TBC1D16: variants seen among roughly 807,000 people sequenced by gnomAD.
TBC1D16 encodes the protein TBC1 domain family member 16.
Under a neutral mutation model 74.7 loss-of-function variants are expected in TBC1D16, and 58 were observed. That is an observed-to-expected ratio of 0.78 (90% CI 0.63 to 0.97). The LOEUF (loss-of-function observed/expected upper bound fraction) is 0.97, where lower values mean the gene tolerates loss of function less well. Ranked by LOEUF, TBC1D16 falls within the 50% of genes least tolerant of loss-of-function variation. The pLI is 0.00. For missense variants in TBC1D16, 1,014 were observed against 1,079.5 expected (o/e 0.94, Z 0.85); for synonymous variants, 493 against 474.7 (o/e 1.04, Z -0.50).
chr17:80,030,375 G>A (rs750934161), intron 1 of TBC1D16, among the ~76,000 whole-genome samples: 6 of 152,106 alleles, frequency 3.9e-5, no homozygotes, highest in Admixed American at 3.9e-4. Flanking sequence ...GGGCCCCGAC[G>A]TCCCTGTGAG....
Position 80,001,504 on chromosome 17 carries a change from G to A in TBC1D16, c.779+8656C>T, listed in dbSNP as rs1419138735. Among the ~76,000 whole-genome samples, 1 of 152,168 alleles carries A rather than the reference G, an allele frequency of 6.6e-6. No individual in the cohort carries two copies. Among genetic ancestry groups the A allele is most frequent in the Admixed American group, 6.5e-5 (1 of 15,286 alleles). ...GCGCTGGGCCCGGAGGGGTGGGCGG[G>A]GGTTCCTGGAGCATCCTCAGGGGGC... On this transcript the variant is annotated intron_variant, in intron 3 of 11. Transcript: ENST00000310924. This position sits in a 1 kb window ranked among gnomAD's most constrained non-coding sequence, Gnocchi z 5.8.
intron 1 of TBC1D16, among the ~76,000 whole-genome samples, chr17:80,023,145 C>G (rs532742474): frequency 6.7e-6 from 1 of 149,932 alleles, no homozygotes; most frequent in East Asian, 1.9e-4. Context: ...CAAGATTTAC[C>G]GCGAAATGGG....
At position 79,951,464 on chromosome 17, in the gene TBC1D16, G is replaced by C; in HGVS notation, c.1075C>G (p.Gln359Glu). The C allele has an allele frequency of 1.2e-6, 2 of 1,613,660 alleles. No homozygotes were observed. The highest frequency in any genetic ancestry group is 1.7e-6 in the Non-Finnish European group (2 of 1,179,820). The change falls in exon 5 of 12, where the codon CAG becomes GAG. Residue 359 changes from glutamine to glutamate, a missense_variant. Gln to Glu is a conservative substitution (Grantham distance 29). Coordinates refer to ENST00000310924, the MANE Select transcript of TBC1D16 (RefSeq NM_019020.4). ...TGCTGGGCTACCTGGTCTTTGAGCT[G>C]CATCTCGGTGCAGTATTTCCACTGC... The part of the protein sequence containing the change: ...FQQWKYCTEM[Q>E]LKDQQVAPDK...
intron 3 of TBC1D16, among the ~76,000 whole-genome samples, chr17:79,977,719 T>TCA (rs1195092641): frequency 1.3e-5 from 2 of 152,202 alleles, no homozygotes; most frequent in Non-Finnish European, 2.9e-5. Context: ...ATAATTAGCA[T>TCA]CACACACACA....
rs1368278802 is a variant in TBC1D16, at chr17:80,025,103, T to C, written c.-63+10692A>G. ...CATACCATGACACACACACACCATATACACACAAACACCACAGACACACAC... is the reference window on the plus strand; with the variant it reads ...CATACCATGACACACACACACCATACACACACAAACACCACAGACACACAC... On this transcript the variant is annotated intron_variant, in intron 1 of 11. Transcript: ENST00000310924. Among the ~76,000 whole-genome samples the C allele has an allele frequency of 5.6e-4, 45 of 79,826 alleles. 10 individuals are homozygous for C. The highest frequency in any genetic ancestry group is 1.6e-3 in the African/African-American group (25 of 15,290). 52.4% of individuals were successfully genotyped at this position (79,826 alleles called of 152,430 possible). A position where few individuals can be genotyped will look rare whatever the true frequency, so the allele number is the denominator to read the frequency against.
At chr17:79,948,484 T>C (rs991502539) in intron 8 of TBC1D16, among the ~76,000 whole-genome samples, 1 of 152,154 alleles carries the variant, frequency 6.6e-6, no homozygotes, top group Admixed American at 6.5e-5. Context: ...TGCAATTATT[T>C]GCTAGGCTGT....
rs555671848 is a variant in TBC1D16, at chr17:79,986,430, C to T, written c.779+23730G>A. ...AAGAGTGGATTCCTCAGTGCAGTAT[C>T]GTCAGCGTTGCAGTGGTGGGTAAGA... On this transcript the variant is annotated intron_variant, in intron 3 of 11. Coordinates refer to ENST00000310924, the MANE Select transcript of TBC1D16 (RefSeq NM_019020.4). The surrounding 1 kb of genome is among the most constrained non-coding windows in gnomAD (Gnocchi z 6.0). Among the ~76,000 whole-genome samples the T allele has an allele frequency of 1.2e-4, 19 of 152,318 alleles. No individual in the cohort carries two copies. The highest frequency in any genetic ancestry group is 2.5e-4 in the Non-Finnish European group (17 of 68,030).
At chr17:79,967,304 A>T (rs542730875) in intron 3 of TBC1D16, among the ~76,000 whole-genome samples, 7 of 152,300 alleles carry the variant, frequency 4.6e-5, no homozygotes, top group Admixed American at 4.6e-4. Context: ...AAAAGGAAGA[A>T]GATTGGAAAA....
intron 3 of TBC1D16, among the ~76,000 whole-genome samples, chr17:80,003,199 C>T (rs2035555593): frequency 1.3e-5 from 2 of 152,226 alleles, no homozygotes; most frequent in Middle Eastern, 3.2e-3. Context: ...CCTGTGGCCG[C>T]GCCAACCCGC....
Position 79,975,834 on chromosome 17 carries a change from C to G in TBC1D16, c.780-23016G>C, listed in dbSNP as rs376913363. ...GAGCATGAGCCCCACTTTGGAATGA[C>G]GGGGTCTGTGCAGAGACCGGGCAGA... On this transcript the variant is annotated intron_variant, in intron 3 of 11. Coordinates refer to ENST00000310924, the MANE Select transcript of TBC1D16 (RefSeq NM_019020.4). This position sits in a 1 kb window ranked among gnomAD's most constrained non-coding sequence, Gnocchi z 4.5. Among the ~76,000 whole-genome samples the G allele has an allele frequency of 5.0e-4, 76 of 152,286 alleles. No homozygotes were observed. The highest frequency in any genetic ancestry group is 1.8e-3 in the African/African-American group (74 of 41,558).
At chr17:79,951,051 G>A (rs1027062691) in intron 5 of TBC1D16, among the ~76,000 whole-genome samples, 1 of 152,120 alleles carries the variant, frequency 6.6e-6, no homozygotes, top group Non-Finnish European at 1.5e-5. Context: ...AATGTAGGGG[G>A]AAAAAAAGCC....
In TBC1D16 at chr17:79,985,244, C is replaced by T. The variant is rs755151367; in HGVS notation, c.779+24916G>A. Among the ~76,000 whole-genome samples, 51 of 152,108 alleles carry T rather than the reference C, an allele frequency of 3.4e-4. No individual in the cohort carries two copies. Among genetic ancestry groups the T allele is most frequent in the Non-Finnish European group, 5.3e-4 (36 of 68,016 alleles). ...CCTGTGTCTGTGTGTCCGTCCGTGT[C>T]TTTTAAAGACATCCGTTGGATTTAG... is the stretch of plus-strand genomic sequence containing the variant. On this transcript the variant is annotated intron_variant, in intron 3 of 11. Transcript: ENST00000310924. The surrounding 1 kb of genome is among the most constrained non-coding windows in gnomAD (Gnocchi z 4.9).
chr17:79,969,301 G>A (rs1046042670), intron 3 of TBC1D16, among the ~76,000 whole-genome samples: 4 of 152,078 alleles, frequency 2.6e-5, no homozygotes, highest in Non-Finnish European at 4.4e-5. Context: ...CAGGAGAATC[G>A]CTTGAACCTA....
intron 3 of TBC1D16, among the ~76,000 whole-genome samples, chr17:79,991,181 C>T (rs2035043819): frequency 6.6e-6 from 1 of 152,228 alleles, no homozygotes; most frequent in South Asian, 2.1e-4. Context: ...ACCCTGGAGA[C>T]CCAGCTGGGC....
rs1039503435 is a variant in TBC1D16 at position 79,990,100 on chromosome 17, G to A, written c.779+20060C>T. On this transcript the variant is annotated intron_variant, in intron 3 of 11. Transcript: ENST00000310924. This position sits in a 1 kb window ranked among gnomAD's most constrained non-coding sequence, Gnocchi z 4.8. ...ATCTTGCCAGGCTCTGGAAGCTTCC[G>A]TCAAGGTTTTCCCACACTCCATGTC... 4.6e-5 allele frequency among the ~76,000 whole-genome samples: 7 copies of A among 152,194 alleles called. No individual in the cohort carries two copies. The highest frequency in any genetic ancestry group is 2.1e-4 in the South Asian group (1 of 4,832).
At chr17:80,005,637 C>T (rs1019641018) in intron 3 of TBC1D16, among the ~76,000 whole-genome samples, 3 of 152,200 alleles carry the variant, frequency 2.0e-5, no homozygotes, top group Admixed American at 2.0e-4. Context: ...CCGTATCACC[C>T]CATCCCCCAA....
chr17:79,943,910 A>G (rs563419297), intron 10 of TBC1D16: 1 of 1,413,602 alleles, frequency 7.1e-7, no homozygotes, highest in South Asian at 1.5e-5. Flanking sequence ...AGTGGTGGGA[A>G]TGAAGCCTCT....
In TBC1D16 at chr17:80,010,530, T is replaced by TG. The variant is rs749152277; in HGVS notation, c.408dup (p.Lys137GlnfsTer3). On this transcript the variant is annotated frameshift_variant, in exon 3 of 12. Coordinates refer to ENST00000310924, the MANE Select transcript of TBC1D16 (RefSeq NM_019020.4). LOFTEE classifies it high-confidence loss of function. The surrounding 1 kb of genome is among the most constrained non-coding windows in gnomAD (Gnocchi z 8.8). ...GCCACCACCAGGATGTCCTCATCTT[T>TG]GGGGGTCAGGGTAGGCCGCAGCTCC... The TG allele has an allele frequency of 2.5e-6, 4 of 1,611,010 alleles. No homozygotes were observed. The highest frequency in any genetic ancestry group is 1.7e-4 in the Middle Eastern group (1 of 6,056).
Position 79,940,731 on chromosome 17 carries a change from G to C in TBC1D16, c.*128C>G. Reference sequence around the variant, plus strand: ...ATTAATATGAAAAGGTTCCTCTCATGTTGCCCAAAAGCATTTTCCTTAGGT... The same window carrying C: ...ATTAATATGAAAAGGTTCCTCTCATCTTGCCCAAAAGCATTTTCCTTAGGT... On this transcript the variant is annotated 3_prime_UTR_variant, in exon 12 of 12. Coordinates refer to ENST00000310924, the MANE Select transcript of TBC1D16 (RefSeq NM_019020.4). The surrounding 1 kb of genome is among the most constrained non-coding windows in gnomAD (Gnocchi z 5.4). 1.7e-6 allele frequency: 2 copies of C among 1,154,064 alleles called. No homozygotes were observed. The highest frequency in any genetic ancestry group is 2.3e-6 in the Non-Finnish European group (2 of 867,402). 71.5% of individuals were successfully genotyped at this position (1,154,064 alleles called of 1,614,324 possible).
Sources: gnomAD v4.1 joint callset for allele counts (sites outside exome capture counted in the v4.1 genomes callset) on GRCh38, gnomAD v4.1.1 for gene constraint, Gnocchi (gnomAD v3.1) non-coding constraint, MANE v1.5 for transcripts, NCBI Gene and HGNC (gene_info 2026-07-23, HGNC 2026-07-21) for gene names.